ST6GALNAC3: variants seen among roughly 807,000 people sequenced by gnomAD.
ST6GALNAC3 encodes alpha-N-acetylgalactosaminide alpha-2,6-sialyltransferase 3.
A neutral mutation model predicts 32.7 loss-of-function variants in ST6GALNAC3; 25 were observed. The observed-to-expected ratio is 0.76, with a 90% CI of 0.56 to 1.07. ST6GALNAC3 has a LOEUF of 1.07. ST6GALNAC3 is among the 50% of genes least tolerant of loss of function. The pLI is 0.00. For missense variants in ST6GALNAC3, 355 were observed against 382.4 expected (o/e 0.93, Z 0.60); for synonymous variants, 129 against 133.1 (o/e 0.97, Z 0.21).
chr1:76,478,973 C>T (rs867285531), intron 3 of ST6GALNAC3, among the ~76,000 whole-genome samples: 11 of 151,876 alleles, frequency 7.2e-5, no homozygotes, highest in Non-Finnish European at 8.8e-5. Flanking sequence ...CTGTGTTAGA[C>T]AGGATGGTCT....
intron 1 of ST6GALNAC3, among the ~76,000 whole-genome samples, chr1:76,082,947 A>G (rs900077138): frequency 6.6e-6 from 1 of 152,012 alleles, no homozygotes; most frequent in Non-Finnish European, 1.5e-5. Flanking sequence ...CATTCATTCA[A>G]TCTTATCTTA....
intron 2 of ST6GALNAC3, among the ~76,000 whole-genome samples, chr1:76,406,031 G>A (rs7515898): frequency 0.42 from 64,285 of 151,706 alleles, 14,697 homozygotes; most frequent in African/African-American, 0.58. Flanking sequence ...GTATTTTTCA[G>A]AACAATTCAT....
At chr1:76,386,505 T>A (rs1175855703) in intron 2 of ST6GALNAC3, among the ~76,000 whole-genome samples, 1 of 152,202 alleles carries the variant, frequency 6.6e-6, no homozygotes, top group Non-Finnish European at 1.5e-5. Context: ...AGCTGCAAGC[T>A]TTTCAAATGT....
chr1:76,596,864 C>A (rs548817567), intron 3 of ST6GALNAC3, among the ~76,000 whole-genome samples: 1 of 152,260 alleles, frequency 6.6e-6, no homozygotes, highest in Non-Finnish European at 1.5e-5. Flanking sequence ...CTCTTTAGAC[C>A]TGAATTCAAT....
At chr1:76,092,521 C>A (rs1287768132) in intron 1 of ST6GALNAC3, among the ~76,000 whole-genome samples, 1 of 152,214 alleles carries the variant, frequency 6.6e-6, no homozygotes, top group Admixed American at 6.5e-5. Flanking sequence ...ATCACAGCAA[C>A]CCTTCAAAAT....
At chr1:76,483,906 C>T (rs977339622) in intron 3 of ST6GALNAC3, among the ~76,000 whole-genome samples, 4 of 152,082 alleles carry the variant, frequency 2.6e-5, no homozygotes, top group Non-Finnish European at 5.9e-5. Flanking sequence ...GTATACGGTG[C>T]AAGGAAGGCA....
chr1:76,437,517 T>G (rs951351573), intron 3 of ST6GALNAC3, among the ~76,000 whole-genome samples: 4 of 152,136 alleles, frequency 2.6e-5, no homozygotes, highest in Non-Finnish European at 5.9e-5. Flanking sequence ...GTCTTTTTTT[T>G]TTAACTTGTC....
rs529890953 is a variant in ST6GALNAC3, at chr1:76,340,480, CA to C, written c.213+26484del. ...TCGGCTTTTCTGTCATGGGGGCATA[CA>C]AAGAGAGAAATCATCAAGAAATTCA... On this transcript the variant is annotated intron_variant, in intron 2 of 4. Coordinates refer to ENST00000328299, the MANE Select transcript of ST6GALNAC3 (RefSeq NM_152996.4). 7.2e-5 allele frequency among the ~76,000 whole-genome samples: 11 copies of C among 152,192 alleles called. No homozygotes were observed. The East Asian group carries it at 2.1e-3, about 29-fold the overall frequency.
At chr1:76,344,050 G>A (rs1254699822) in intron 2 of ST6GALNAC3, among the ~76,000 whole-genome samples, 1 of 152,170 alleles carries the variant, frequency 6.6e-6, no homozygotes, top group Non-Finnish European at 1.5e-5. Flanking sequence ...TGGCAGCATA[G>A]ACAAATATGC....
chr1:76,591,404 T>A (rs554610800), intron 3 of ST6GALNAC3, among the ~76,000 whole-genome samples: 1 of 152,192 alleles, frequency 6.6e-6, no homozygotes, highest in African/African-American at 2.4e-5. Flanking sequence ...TGACATTAGG[T>A]GTGTGTGTGG....
chr1:76,471,966 GC>G (rs1261718063), intron 3 of ST6GALNAC3, among the ~76,000 whole-genome samples: 1 of 151,888 alleles, frequency 6.6e-6, no homozygotes, highest in Non-Finnish European at 1.5e-5. Context: ...GCTTCTAAGG[GC>G]CAAAGAGCTT....
intron 1 of ST6GALNAC3, among the ~76,000 whole-genome samples, chr1:76,260,452 A>G (rs1456693936): frequency 1.3e-5 from 2 of 152,208 alleles, no homozygotes; most frequent in Admixed American, 1.3e-4. Flanking sequence ...TGCTATGTAC[A>G]GGGTACTGTG....
At chr1:76,200,843 AATCT>A (rs560583506) in intron 1 of ST6GALNAC3, among the ~76,000 whole-genome samples, 11 of 152,214 alleles carry the variant, frequency 7.2e-5, no homozygotes, top group African/African-American at 2.6e-4. Flanking sequence ...AAGAGACTAC[AATCT>A]CTCAGTGGTG....
At chr1:76,232,834 A>C (rs2100642826) in intron 1 of ST6GALNAC3, among the ~76,000 whole-genome samples, 1 of 152,348 alleles carries the variant, frequency 6.6e-6, no homozygotes. Flanking sequence ...GGTCAAGTAG[A>C]GATAGACCGA....
intron 1 of ST6GALNAC3, among the ~76,000 whole-genome samples, chr1:76,201,400 A>T (rs1370123817): frequency 6.6e-6 from 1 of 152,164 alleles, no homozygotes; most frequent in African/African-American, 2.4e-5. Context: ...CATGGGAAAA[A>T]TCCACCCCCA....
At chr1:76,416,774 C>T (rs1466267811) in intron 3 of ST6GALNAC3, among the ~76,000 whole-genome samples, 5 of 151,640 alleles carry the variant, frequency 3.3e-5, no homozygotes, top group East Asian at 2.0e-4. Context: ...ACTACAGGCA[C>T]GCACCACCAT....
At chr1:76,474,431 T>C (rs1188771372) in intron 3 of ST6GALNAC3, among the ~76,000 whole-genome samples, 1 of 152,062 alleles carries the variant, frequency 6.6e-6, no homozygotes, top group Non-Finnish European at 1.5e-5. Context: ...GAAATAAAGA[T>C]TACTATGACA....
chr1:76,278,559 T>C (rs187960665), intron 1 of ST6GALNAC3, among the ~76,000 whole-genome samples: 134 of 152,212 alleles, frequency 8.8e-4, no homozygotes, highest in African/African-American at 3.1e-3. Context: ...GAAGAGCCTT[T>C]GATATCTGGT....
chr1:76,082,574 A>G (rs1458008886), intron 1 of ST6GALNAC3, among the ~76,000 whole-genome samples: 1 of 152,198 alleles, frequency 6.6e-6, no homozygotes. Context: ...GTTTCTCTCA[A>G]TTCAAAAATT....
Sources: gnomAD v4.1 joint callset for allele counts (sites outside exome capture counted in the v4.1 genomes callset) on GRCh38, gnomAD v4.1.1 for gene constraint, MANE v1.5 for transcripts, NCBI Gene and HGNC (gene_info 2026-07-23, HGNC 2026-07-21) for gene names.